Variants in PSG11 observed in about 807,000 individuals in gnomAD.
PSG11 encodes the protein pregnancy-specific beta-1-glycoprotein 11.
Under a neutral mutation model 36.0 loss-of-function variants are expected in PSG11, and 42 were observed. The ratio of observed to expected loss-of-function variants is 1.17; its 90% CI spans 0.91 to 1.51. PSG11 has a LOEUF of 1.51. Ranked by LOEUF, PSG11 falls within the 40% of genes most tolerant of loss-of-function variation. The probability of loss-of-function intolerance (pLI) is 0.00; values close to 1 mark genes in which losing one functional copy is unlikely to be tolerated. For synonymous variants in PSG11, 206 were observed against 153.5 expected (o/e 1.34, Z -2.53); for missense variants, 558 against 403.5 (o/e 1.38, Z -3.28).
rs779845903 is a variant in PSG11 at position 43,015,353 on chromosome 19, TG to T, written c.726del (p.Arg243GlufsTer74). 2.5e-6 allele frequency: 4 copies of T among 1,610,590 alleles called. No individual in the cohort carries two copies. The South Asian group carries it at 4.4e-5, about 18-fold the overall frequency. On this transcript the variant is annotated frameshift_variant, in exon 4 of 6. Transcript: ENST00000320078. LOFTEE classifies it high-confidence loss of function. ...TLNLLHGPDL[P>X]RIFPSVTSYY... ...TAAGAGGTGACTGAAGGGAAAATTC[TG>T]GGGAGGTCTGGACCATCTGGAGGAA... is the stretch of plus-strand genomic sequence containing the variant.
chr19:43,023,805 C>G (rs1464213801), intron 2 of PSG11, among the ~76,000 whole-genome samples: 2 of 151,224 alleles, frequency 1.3e-5, no homozygotes, highest in Admixed American at 1.3e-4. Flanking sequence ...AGTTAAATGG[C>G]AAATGGACTG....
At chr19:43,021,397 G>A (rs1212249999) in intron 2 of PSG11, among the ~76,000 whole-genome samples, 3 of 151,062 alleles carry the variant, frequency 2.0e-5, no homozygotes, top group African/African-American at 7.3e-5. Context: ...GCTCTGCCAG[G>A]CTGGAGTGCA....
At chr19:43,016,104 A>G (rs1298688237) in intron 3 of PSG11, 1 of 1,549,494 alleles carries the variant, frequency 6.5e-7, no homozygotes, top group Non-Finnish European at 8.7e-7. Context: ...CTCCACAGGC[A>G]TCCTTCAATC....
At chr19:43,015,763 A>T (rs755767192) in intron 3 of PSG11, 1 of 1,609,930 alleles carries the variant, frequency 6.2e-7, no homozygotes, top group African/African-American at 1.3e-5. Flanking sequence ...GGAACAAAAG[A>T]TACAGAGGAC....
Position 43,018,921 on chromosome 19 carries a change from G to A in PSG11, c.558C>T (p.Ser186=), listed in dbSNP as rs1967034621. The A allele has an allele frequency of 6.2e-7, 1 of 1,612,084 alleles. No individual in the cohort carries two copies. Among genetic ancestry groups the A allele is most frequent in the Non-Finnish European group, 8.5e-7 (1 of 1,179,118 alleles). ...ASYLWWMNGQ[S]LPMTHRMQLS... is the part of the protein sequence containing the mutation. ...GCTGCATCCTATGAGTCATAGGGAG[G>A]CTCTGACCATTCATCCACCACAGGT... Residue 186 remains serine, a synonymous_variant, in exon 3 of 6, where the codon AGC becomes AGT. Coordinates refer to ENST00000320078, the MANE Select transcript of PSG11 (RefSeq NM_002785.3).
In PSG11 at chr19:43,015,285, A is replaced by G; in HGVS notation, c.795T>C (p.Ser265=). 1 of 1,611,178 alleles carries G rather than the reference A, an allele frequency of 6.2e-7. No individual in the cohort carries two copies. Among genetic ancestry groups the G allele is most frequent in the Middle Eastern group, 1.6e-4 (1 of 6,062 alleles). Residue 265 remains serine, a synonymous_variant, in exon 4 of 6, where the codon TCT becomes TCC. Coordinates refer to ENST00000320078, the MANE Select transcript of PSG11 (RefSeq NM_002785.3). The part of the protein sequence containing the change: ...ENLDLSCFAN[S]NPPAQYSWTI... The stretch of plus-strand genomic sequence containing the variant: ...TCCAAGAATACTGTGCTGGTGGGTT[A>G]GAGTTTGCGAAGCAGGACAAGTCGA...
Position 43,018,841 on chromosome 19 carries a change from C to T in PSG11, c.638G>A (p.Gly213Glu), listed in dbSNP as rs1967031384. The T allele has an allele frequency of 6.2e-7, 1 of 1,612,068 alleles. No individual in the cohort carries two copies. The highest frequency in any genetic ancestry group is 8.5e-7 in the Non-Finnish European group (1 of 1,179,050). Residue 213 changes from glycine to glutamate, a missense_variant, in exon 3 of 6, where the codon GGA becomes GAA. Coordinates refer to ENST00000320078, the MANE Select transcript of PSG11 (RefSeq NM_002785.3). ...GTTCCATATTTCACATTCATAGGGT[C>T]CTGCAGTATACTTTGTGACACCAAA... ...FLFGVTKYTA[G>E]PYECEIWNSG...
At chr19:43,013,885 A>G (rs1473507409) in intron 4 of PSG11, among the ~76,000 whole-genome samples, 1 of 151,554 alleles carries the variant, frequency 6.6e-6, no homozygotes, top group Admixed American at 6.6e-5. Context: ...CCATTGAAAG[A>G]TAAGTGTGTA....
intron 4 of PSG11, among the ~76,000 whole-genome samples, chr19:43,011,186 G>C (rs903748321): frequency 1.3e-5 from 2 of 151,172 alleles, no homozygotes; most frequent in Admixed American, 1.3e-4. Flanking sequence ...TGGTTCCTCT[G>C]TATGTGGCAT....
At position 43,021,034 on chromosome 19, in the gene PSG11, A is replaced by G. The variant is rs187441550; in HGVS notation, c.431-1986T>C. 2.0e-5 allele frequency among the ~76,000 whole-genome samples: 3 copies of G among 151,366 alleles called. 1 individual carries two copies. The highest frequency in any genetic ancestry group is 1.9e-4 in the East Asian group (1 of 5,170). On this transcript the variant is annotated intron_variant, in intron 2 of 5. Transcript: ENST00000320078. The stretch of plus-strand genomic sequence containing the variant: ...GGCATCATCATGAGGAAACAGTTGT[A>G]TGTGGCACAGGCAGTAAAACCATCA...
intron 4 of PSG11, among the ~76,000 whole-genome samples, chr19:43,013,188 A>G (rs1413424380): frequency 6.6e-6 from 1 of 151,470 alleles, no homozygotes; most frequent in Non-Finnish European, 1.5e-5. Flanking sequence ...GAAAAGCTTC[A>G]TGATACTGGA....
chr19:43,014,726 C>A, intron 4 of PSG11: 1 of 1,209,770 alleles, frequency 8.3e-7, no homozygotes, highest in Non-Finnish European at 1.1e-6. Context: ...GTTTCAAAGC[C>A]TCAGATGTTC....
At chr19:43,016,190 A>T (rs958101303) in intron 3 of PSG11, 5 of 1,354,092 alleles carry the variant, frequency 3.7e-6, no homozygotes, top group Non-Finnish European at 4.0e-6. Context: ...CACAAGACAG[A>T]TGCATGATGA....
chr19:43,015,593 T>C (rs1167895855), intron 3 of PSG11, among the ~76,000 whole-genome samples: 1 of 151,318 alleles, frequency 6.6e-6, no homozygotes, highest in African/African-American at 2.4e-5. Context: ...CCTCTCCTTA[T>C]ATTCTTGGTT....
chr19:43,011,616 G>A (rs371447847), intron 4 of PSG11, among the ~76,000 whole-genome samples: 16 of 151,300 alleles, frequency 1.1e-4, no homozygotes, highest in African/African-American at 3.9e-4. Context: ...CTCTGAGCAT[G>A]GTGGGTCATG....
At position 43,018,972 on chromosome 19, in the gene PSG11, A is replaced by G. The variant is rs201399236; in HGVS notation, c.507T>C (p.Cys169=). Reference sequence around the variant, plus strand: ...AGCTTGCGTCCGGAGTCTCAGGATTACAGGTTAAGATCACAGTCTCCATGG... The same window carrying G: ...AGCTTGCGTCCGGAGTCTCAGGATTGCAGGTTAAGATCACAGTCTCCATGG... ...REAMETVILT[C]NPETPDASYL... Residue 169 remains cysteine (C), a synonymous_variant, in exon 3 of 6, where the codon TGT becomes TGC. Coordinates refer to ENST00000320078, the MANE Select transcript of PSG11 (RefSeq NM_002785.3). 6 of 1,611,998 alleles carry G rather than the reference A, an allele frequency of 3.7e-6. No homozygotes were observed. Among genetic ancestry groups the G allele is most frequent in the East Asian group, 2.2e-5 (1 of 44,800 alleles).
At position 43,015,203 on chromosome 19, in the gene PSG11, G is replaced by C; in HGVS notation, c.877C>G (p.Pro293Ala). ...GQKLFIPQIT[P>A]KHNGLYACSA... is the part of the protein sequence containing the mutation. ...CAAGCATAGAGCCCATTATGCTTTG[G>C]AGTAATCTGAGGGATAAAGAGCTTT... Residue 293 changes from proline (P) to alanine (A), a missense_variant, in exon 4 of 6, where the codon CCA becomes GCA. Physicochemically the swap from Pro to Ala is conservative, Grantham distance 27. Transcript: ENST00000320078. 1 of 1,610,986 alleles carries C rather than the reference G, an allele frequency of 6.2e-7. No individual in the cohort carries two copies. The highest frequency in any genetic ancestry group is 8.5e-7 in the Non-Finnish European group (1 of 1,178,098).
At chr19:43,020,558 C>T (rs1967078481) in intron 2 of PSG11, among the ~76,000 whole-genome samples, 3 of 151,376 alleles carry the variant, frequency 2.0e-5, no homozygotes, top group African/African-American at 7.3e-5. Flanking sequence ...TACTGATGGT[C>T]TAAACATCTA....
At chr19:43,013,285 T>TTATATATC (rs1419287588) in intron 4 of PSG11, among the ~76,000 whole-genome samples, 3 of 151,324 alleles carry the variant, frequency 2.0e-5, no homozygotes, top group African/African-American at 7.3e-5. Context: ...TCAAAACCTT[T>TTATATATC]TATATATCAA....
Sources: allele counts gnomAD v4.1 joint callset (sites outside exome capture counted in the v4.1 genomes callset), GRCh38; gene constraint gnomAD v4.1.1; transcripts MANE v1.5; gene names NCBI Gene and HGNC (gene_info 2026-07-23, HGNC 2026-07-21).